GRTP1: variants seen among roughly 807,000 people sequenced by gnomAD.
GRTP1 encodes growth hormone regulated TBC protein 1, also known as growth hormone-regulated TBC protein 1.
Under a neutral mutation model 38.1 loss-of-function variants are expected in GRTP1, and 56 were observed. The ratio of observed to expected loss-of-function variants is 1.47; its 90% CI spans 1.19 to 1.84. GRTP1 has a LOEUF of 1.84. Among genes scored for constraint, GRTP1 ranks in the 40% most tolerant of loss-of-function variants. The pLI, the probability that GRTP1 is intolerant of heterozygous loss-of-function variation, is 0.00. For missense variants in GRTP1, 506 were observed against 453.9 expected, an observed-to-expected ratio of 1.11 and a Z score of -1.04; for synonymous variants, 217 against 189.5, an observed-to-expected ratio of 1.14 and a Z score of -1.19.
At position 113,346,284 on chromosome 13, in the gene GRTP1, G is replaced by GAC. The variant is rs1261723258; in HGVS notation, c.466-1326_466-1325insGT. On this transcript the variant is annotated intron_variant, in intron 4 of 7. Transcript: ENST00000375431. ...CAGATCCGGGAGGACCTCTGTGGCTGAGCGGATCTGGGAGGACCTCTGTGG... is the reference window on the plus strand; with the variant it reads ...CAGATCCGGGAGGACCTCTGTGGCTGACAGCGGATCTGGGAGGACCTCTGTGG... Among the ~76,000 whole-genome samples the GAC allele has an allele frequency of 2.9e-4, 18 of 61,632 alleles. 6 individuals are homozygous for GAC. The highest frequency in any genetic ancestry group is 7.2e-4 in the Admixed American group (4 of 5,522). The allele number at this position is 61,632 out of a possible 152,430, so 40.4% of individuals were successfully genotyped here. A position where few individuals can be genotyped will look rare whatever the true frequency, so the allele number is the denominator to read the frequency against.
At position 113,325,997 on chromosome 13, in the gene GRTP1, C is replaced by T; in HGVS notation, c.657G>A (p.Met219Ile). Residue 219 changes from methionine to isoleucine, a missense_variant, in exon 6 of 8, where the codon ATG (methionine) becomes ATA (isoleucine). Met to Ile is a conservative substitution (Grantham distance 10, BLOSUM62 1). Coordinates refer to ENST00000375431, the MANE Select transcript of GRTP1 (RefSeq NM_024719.4). ...RAKLPAVGALMERLGVLWTLL... is the reference protein window; with the variant it reads ...RAKLPAVGALIERLGVLWTLL... ...GCGTCCACAGCACACCGAGACGCTCCATCAGGGCCCCCACAGCCGGCAGCT... is the reference window on the plus strand; with the variant it reads ...GCGTCCACAGCACACCGAGACGCTCTATCAGGGCCCCCACAGCCGGCAGCT... 1 of 1,613,862 alleles carries T rather than the reference C, an allele frequency of 6.2e-7. No homozygotes were observed. Among genetic ancestry groups the T allele is most frequent in the Non-Finnish European group, 8.5e-7 (1 of 1,179,944 alleles).
chr13:113,360,796 T>C (rs558572747), intron 2 of GRTP1, among the ~76,000 whole-genome samples: 36 of 152,262 alleles, frequency 2.4e-4, no homozygotes, highest in Admixed American at 2.2e-3. Context: ...CTTGCTACCA[T>C]AATTACATGG....
Position 113,346,131 on chromosome 13 carries a change from GA to G in GRTP1, c.466-1173del, listed in dbSNP as rs1386206029. Among the ~76,000 whole-genome samples the G allele has an allele frequency of 8.1e-4, 106 of 130,164 alleles. 2 individuals carry two copies. The highest frequency in any genetic ancestry group is 1.4e-3 in the Admixed American group (18 of 12,680). The allele number at this position is 130,164 out of a possible 152,430, so 85.4% of individuals were successfully genotyped here. ...GAACAGACCCGGGAGGACCTCTGTG[GA>G]CAAGAGCAGACCCGGGAGGACCTCT... On this transcript the variant is annotated intron_variant, in intron 4 of 7. Coordinates refer to ENST00000375431, the MANE Select transcript of GRTP1 (RefSeq NM_024719.4).
chr13:113,330,535 G>T (rs55828203), intron 5 of GRTP1, among the ~76,000 whole-genome samples: 1 of 145,218 alleles, frequency 6.9e-6, no homozygotes, highest in African/African-American at 2.6e-5. Flanking sequence ...TGGAAACCCA[G>T]GTGTGTGCAT....
intron 5 of GRTP1, among the ~76,000 whole-genome samples, chr13:113,327,903 C>T (rs1306613510): frequency 6.6e-6 from 1 of 152,232 alleles, no homozygotes; most frequent in Non-Finnish European, 1.5e-5. Context: ...TGGCCCCAGA[C>T]ACAGAGAAGC....
At position 113,349,405 on chromosome 13, in the gene GRTP1, G is replaced by A. The variant is rs2043222228; in HGVS notation, c.465+1444C>T. ...GGAGTCTTGCCACCTTGCCCAGGCT[G>A]GTGTATGCATTTTAATAAAGCTGTT... is the stretch of plus-strand genomic sequence containing the variant. On this transcript the variant is annotated intron_variant, in intron 4 of 7. Transcript: ENST00000375431. The surrounding 1 kb of genome is among the most constrained non-coding windows in gnomAD (Gnocchi z 5.0). Among the ~76,000 whole-genome samples the A allele has an allele frequency of 6.6e-6, 1 of 152,194 alleles. No homozygotes were observed. Among genetic ancestry groups the A allele is most frequent in the Non-Finnish European group, 1.5e-5 (1 of 68,042 alleles).
intron 3 of GRTP1, among the ~76,000 whole-genome samples, chr13:113,352,252 A>ATTTATATT (rs2043282862): frequency 5.0e-5 from 6 of 121,024 alleles, no homozygotes; most frequent in African/African-American, 9.2e-5. Flanking sequence ...ATTTATATAT[A>ATTTATATT]TTTATATATT....
At chr13:113,330,580 G>T (rs71446951) in intron 5 of GRTP1, among the ~76,000 whole-genome samples, 25 of 51,740 alleles carry the variant, frequency 4.8e-4, no homozygotes, top group East Asian at 9.2e-4. Context: ...GCCCAGGTGT[G>T]TGCATGGAAA....
At chr13:113,337,711 G>GCTCCTGCCCCC (rs2042973000) in intron 5 of GRTP1, among the ~76,000 whole-genome samples, 2 of 152,256 alleles carry the variant, frequency 1.3e-5, no homozygotes, top group Admixed American at 1.3e-4. Flanking sequence ...TGACCCCAGA[G>GCTCCTGCCCCC]ACCAGCCTCC....
chr13:113,343,716 C>T lies in GRTP1; in HGVS notation c.562+1147G>A, dbSNP rs1169959717. Among the ~76,000 whole-genome samples the T allele has an allele frequency of 1.3e-5, 2 of 152,364 alleles. No homozygotes were observed. The highest frequency in any genetic ancestry group is 2.9e-5 in the Non-Finnish European group (2 of 68,040). ...CAAGCGCAGCTCAGCAGGAAACTGACACATGCCGTGTGCTCACCAGGCAGG... is the reference window on the plus strand; with the variant it reads ...CAAGCGCAGCTCAGCAGGAAACTGATACATGCCGTGTGCTCACCAGGCAGG... On this transcript the variant is annotated intron_variant, in intron 5 of 7. Coordinates refer to ENST00000375431, the MANE Select transcript of GRTP1 (RefSeq NM_024719.4). This position sits in a 1 kb window ranked among gnomAD's most constrained non-coding sequence, Gnocchi z 4.8.
At chr13:113,330,932 CA>C (rs2042859932) in intron 5 of GRTP1, among the ~76,000 whole-genome samples, 1 of 124,510 alleles carries the variant, frequency 8.0e-6, no homozygotes, top group African/African-American at 3.2e-5. Flanking sequence ...CATGGGAGCC[CA>C]GGTGTGTGCA....
At chr13:113,344,566 A>T (rs1033293969) in intron 5 of GRTP1, among the ~76,000 whole-genome samples, 4 of 152,088 alleles carry the variant, frequency 2.6e-5, no homozygotes, top group Non-Finnish European at 5.9e-5. Flanking sequence ...ATACAAAATT[A>T]GCCGGGTGTG....
chr13:113,352,246 A>ATATATATT (rs2043282379), intron 3 of GRTP1, among the ~76,000 whole-genome samples: 1 of 86,144 alleles, frequency 1.2e-5, no homozygotes, highest in Admixed American at 2.0e-4. Flanking sequence ...ATATATATTT[A>ATATATATT]TATATATTTA....
chr13:113,354,324 T>C (rs1032602273), intron 3 of GRTP1, among the ~76,000 whole-genome samples: 3 of 152,074 alleles, frequency 2.0e-5, no homozygotes, highest in Non-Finnish European at 4.4e-5. Flanking sequence ...CCCCACTGGC[T>C]CAGCCCCGTG....
chr13:113,332,404 TACACACGTGCACACGCACAC>T, intron 5 of GRTP1, among the ~76,000 whole-genome samples: 1 of 132,210 alleles, frequency 7.6e-6, no homozygotes, highest in Non-Finnish European at 1.6e-5. Flanking sequence ...CACACACAGG[TACACACGTGCACACGCACAC>T]CACACAGGCA....
chr13:113,363,690 C>T, intron 2 of GRTP1, 72 bp downstream of exon 2: 1 of 1,477,208 alleles, frequency 6.8e-7, no homozygotes, highest in South Asian at 1.2e-5. Flanking sequence ...TCCGGGAGCC[C>T]GGACTTTGCC....
chr13:113,335,613 C>CTCTA (rs1219397158), intron 5 of GRTP1, among the ~76,000 whole-genome samples: 1 of 152,108 alleles, frequency 6.6e-6, no homozygotes, highest in East Asian at 1.9e-4. Context: ...TAACGAGCCT[C>CTCTA]TCTATCCCCC....
chr13:113,333,802 C>CTTTATTA (rs2042909950), intron 5 of GRTP1, among the ~76,000 whole-genome samples: 1 of 124,862 alleles, frequency 8.0e-6, no homozygotes, highest in Non-Finnish European at 1.6e-5. Context: ...AGTGCCTGTA[C>CTTTATTA]TTTATTTATT....
At chr13:113,345,739 C>T (rs78401847) in intron 4 of GRTP1, among the ~76,000 whole-genome samples, 376 of 152,344 alleles carry the variant, frequency 2.5e-3, no homozygotes, top group African/African-American at 7.2e-3. Context: ...AGGGATGTGG[C>T]GCTGTTCACC....
Sources: allele counts gnomAD v4.1 joint callset (sites outside exome capture counted in the v4.1 genomes callset), GRCh38; gene constraint gnomAD v4.1.1; non-coding constraint Gnocchi (gnomAD v3.1); transcripts MANE v1.5; gene names NCBI Gene and HGNC (gene_info 2026-07-23, HGNC 2026-07-21).